CPQ: variants seen among roughly 807,000 people sequenced by gnomAD.
CPQ encodes Ser-Met dipeptidase.
Under a neutral mutation model 45.7 loss-of-function variants are expected in CPQ, and 37 were observed. The observed-to-expected ratio is 0.81, with a 90% CI of 0.62 to 1.07. CPQ has a LOEUF of 1.07. Ranked by LOEUF, CPQ falls within the 50% of genes least tolerant of loss-of-function variation. The pLI is 0.00. For missense variants in CPQ, 537 were observed against 572.9 expected, an observed-to-expected ratio of 0.94 and a Z score of 0.64; for synonymous variants, 186 against 205.8, an observed-to-expected ratio of 0.90 and a Z score of 0.82.
chr8:96,722,029 G>T lies in CPQ; in HGVS notation c.-34-62835G>T, dbSNP rs74719147. 1.3e-5 allele frequency among the ~76,000 whole-genome samples: 2 copies of T among 152,008 alleles called. 1 individual carries two copies. The highest frequency in any genetic ancestry group is 4.1e-4 in the South Asian group (2 of 4,822). On this transcript the variant is annotated intron_variant, in intron 1 of 7. Transcript: ENST00000220763. ...GTTTTATGTTTCATACACTACCCTGGTGTCATTATTAACAGTTCTTTTTTT... is the reference window on the plus strand; with the variant it reads ...GTTTTATGTTTCATACACTACCCTGTTGTCATTATTAACAGTTCTTTTTTT...
chr8:97,122,970 A>T (rs1327928679), intron 7 of CPQ, among the ~76,000 whole-genome samples: 3 of 74,672 alleles, frequency 4.0e-5, no homozygotes, highest in Non-Finnish European at 6.6e-5. Flanking sequence ...ATAAAATAAA[A>T]TAAAATAAAA....
intron 5 of CPQ, among the ~76,000 whole-genome samples, chr8:96,992,601 A>G (rs1809113555): frequency 1.3e-5 from 2 of 152,170 alleles, no homozygotes; most frequent in Non-Finnish European, 2.9e-5. Context: ...AATAGGGACA[A>G]TAATAAAGCC....
intron 2 of CPQ, among the ~76,000 whole-genome samples, chr8:96,831,887 A>G (rs1345321921): frequency 6.6e-6 from 1 of 152,178 alleles, no homozygotes; most frequent in Non-Finnish European, 1.5e-5. Context: ...GTATAAATTA[A>G]TTGAAATTAA....
intron 5 of CPQ, among the ~76,000 whole-genome samples, chr8:97,021,901 C>G (rs1419251138): frequency 6.6e-6 from 1 of 151,846 alleles, no homozygotes; most frequent in Non-Finnish European, 1.5e-5. Flanking sequence ...ACATACAGAA[C>G]CAAAAAAAGA....
chr8:96,929,922 G>C (rs938805904), intron 4 of CPQ, among the ~76,000 whole-genome samples: 19 of 152,208 alleles, frequency 1.2e-4, no homozygotes, highest in African/African-American at 4.1e-4. Flanking sequence ...GAACTCAAGG[G>C]AGAGCTGTGT....
intron 7 of CPQ, among the ~76,000 whole-genome samples, chr8:97,120,832 A>T (rs1219242997): frequency 1.3e-5 from 2 of 152,236 alleles, no homozygotes; most frequent in Admixed American, 6.5e-5. Flanking sequence ...TAATAAAAGG[A>T]TCAGTCATAC....
chr8:97,086,995 AG>A (rs918669778), intron 7 of CPQ, among the ~76,000 whole-genome samples: 13 of 152,214 alleles, frequency 8.5e-5, no homozygotes, highest in Non-Finnish European at 1.6e-4. Context: ...AGAGGAATCT[AG>A]TTTCAATGGA....
chr8:96,991,735 T>C (rs1266501852), intron 5 of CPQ, among the ~76,000 whole-genome samples: 1 of 152,182 alleles, frequency 6.6e-6, no homozygotes, highest in Non-Finnish European at 1.5e-5. Flanking sequence ...GGACATGTAC[T>C]GTATTAACTG....
At position 97,029,455 on chromosome 8, in the gene CPQ, A is replaced by T. The variant is rs1297406286; in HGVS notation, c.1014A>T (p.Gln338His). Reference protein sequence around the residue: ...LRLVLWTAEEQGGVGAFQYYQ... With the variant: ...LRLVLWTAEEHGGVGAFQYYQ... Reference sequence around the variant, plus strand: ...TGGTGCTCTGGACTGCAGAAGAACAAGGTGGAGTTGGTGCCTTCCAGTATT... The same window carrying T: ...TGGTGCTCTGGACTGCAGAAGAACATGGTGGAGTTGGTGCCTTCCAGTATT... The change falls in exon 6 of 8, where the codon CAA (glutamine) becomes CAT (histidine). Residue 338 changes from glutamine to histidine, a missense_variant. By Grantham distance (24) the Gln-to-His change is conservative. Transcript: ENST00000220763. 6.2e-7 allele frequency: 1 copy of T among 1,609,980 alleles called. No individual in the cohort carries two copies. Among genetic ancestry groups the T allele is most frequent in the African/African-American group, 1.3e-5 (1 of 74,882 alleles).
intron 2 of CPQ, among the ~76,000 whole-genome samples, chr8:96,785,723 G>A (rs894473667): frequency 1.3e-5 from 2 of 152,122 alleles, no homozygotes; most frequent in African/African-American, 4.8e-5. Context: ...ATAGAGAATA[G>A]AACTTTGCAC....
intron 5 of CPQ, among the ~76,000 whole-genome samples, chr8:97,027,901 C>A (rs919079104): frequency 6.6e-6 from 1 of 152,164 alleles, no homozygotes; most frequent in East Asian, 1.9e-4. Context: ...TTTACAAAGA[C>A]CCTCCTGGCT....
At chr8:96,884,037 A>G (rs116134228) in intron 4 of CPQ, among the ~76,000 whole-genome samples, 75 of 152,314 alleles carry the variant, frequency 4.9e-4, no homozygotes, top group African/African-American at 1.7e-3. Flanking sequence ...TAGAATACCA[A>G]TTGTTCATTG....
chr8:97,127,064 T>A (rs1323112493), intron 7 of CPQ, among the ~76,000 whole-genome samples: 1 of 152,146 alleles, frequency 6.6e-6, no homozygotes. Context: ...CTATGATAAT[T>A]ATAGAAGAAA....
intron 1 of CPQ, among the ~76,000 whole-genome samples, chr8:96,656,213 C>T (rs55660236): frequency 3.3e-5 from 5 of 152,274 alleles, no homozygotes; most frequent in Non-Finnish European, 7.4e-5. Flanking sequence ...ACCTTTACTT[C>T]TTAGTCTAGG....
At chr8:96,776,526 G>A (rs1020460322) in intron 1 of CPQ, among the ~76,000 whole-genome samples, 3 of 151,910 alleles carry the variant, frequency 2.0e-5, no homozygotes, top group African/African-American at 2.4e-5. Context: ...TTGTCTATTC[G>A]CTCTGGCATT....
chr8:96,871,165 T>C (rs983828504), intron 3 of CPQ, among the ~76,000 whole-genome samples: 1 of 152,008 alleles, frequency 6.6e-6, no homozygotes, highest in African/African-American at 2.4e-5. Flanking sequence ...GAGACAAATA[T>C]CTCATATACA....
At chr8:96,942,232 A>G (rs1475185453) in intron 4 of CPQ, among the ~76,000 whole-genome samples, 1 of 152,204 alleles carries the variant, frequency 6.6e-6, no homozygotes, top group Non-Finnish European at 1.5e-5. Flanking sequence ...ATATTTTACC[A>G]TATCCCATTC....
At chr8:97,026,518 C>T (rs967455338) in intron 5 of CPQ, among the ~76,000 whole-genome samples, 3 of 152,144 alleles carry the variant, frequency 2.0e-5, no homozygotes, top group African/African-American at 7.2e-5. Flanking sequence ...TTGAATGAAA[C>T]CTCACGCATT....
At chr8:96,811,106 T>A (rs1401912229) in intron 2 of CPQ, among the ~76,000 whole-genome samples, 1 of 152,200 alleles carries the variant, frequency 6.6e-6, no homozygotes, top group Admixed American at 6.5e-5. Flanking sequence ...TCCTGGATCT[T>A]TGGAAATCTA....
Sources: gnomAD v4.1 joint callset for allele counts (sites outside exome capture counted in the v4.1 genomes callset) on GRCh38, gnomAD v4.1.1 for gene constraint, MANE v1.5 for transcripts, NCBI Gene and HGNC (gene_info 2026-07-23, HGNC 2026-07-21) for gene names.